PREX1: variants seen among roughly 807,000 people sequenced by gnomAD.
PREX1 encodes phosphatidylinositol 3,4,5-trisphosphate-dependent Rac exchanger 1 protein.
PREX1 carries 41 observed loss-of-function variants against 198.3 expected under a neutral mutation model. The observed-to-expected ratio is 0.21, with a 90% CI of 0.16 to 0.27. The LOEUF (loss-of-function observed/expected upper bound fraction) is 0.27, where lower values mean the gene tolerates loss of function less well. Among genes scored for constraint, PREX1 ranks in the 10% least tolerant of loss-of-function variants. PREX1 has a pLI of 1.00. For synonymous variants in PREX1, 843 were observed against 887.2 expected (o/e 0.95, Z 0.89); for missense variants, 1,620 against 2,200.7 (o/e 0.74, Z 5.28).
chr20:48,642,401 T>C lies in PREX1; in HGVS notation c.3684+6A>G. 1 of 1,612,580 alleles carries C rather than the reference T, an allele frequency of 6.2e-7. No homozygotes were observed. The highest frequency in any genetic ancestry group is 1.1e-5 in the South Asian group (1 of 90,952). The stretch of plus-strand genomic sequence containing the variant: ...AGTTGCGCCAGGAGTGGGGCAAAGG[T>C]CCTACCTGGTTAAAGAGGTGCTCCA... On this transcript the variant is annotated splice_donor_region_variant and intron_variant, in intron 28 of 39. Coordinates refer to ENST00000371941, the MANE Select transcript of PREX1 (RefSeq NM_020820.4).
chr20:48,647,639 T>C (rs565183326), intron 25 of PREX1, among the ~76,000 whole-genome samples: 6 of 151,926 alleles, frequency 3.9e-5, no homozygotes, highest in Non-Finnish European at 8.8e-5. Context: ...ATTAGCCCCA[T>C]TTGACAAACG....
At chr20:48,851,316 G>A in the PREX1 span, among the ~76,000 whole-genome samples, 1 of 152,148 alleles carries the variant, frequency 6.6e-6, no homozygotes, top group Non-Finnish European at 1.5e-5. Flanking sequence ...AGACCAGCCT[G>A]GCCAACATGG....
In PREX1 at chr20:48,666,253, G is replaced by A. The variant is rs182009508; in HGVS notation, c.1738+30C>T. On this transcript the variant is annotated intron_variant, in intron 15 of 39. Coordinates refer to ENST00000371941, the MANE Select transcript of PREX1 (RefSeq NM_020820.4). The surrounding 1 kb of genome is among the most constrained non-coding windows in gnomAD (Gnocchi z 4.3). ...CATCAGCTCCAGGGAGCAAGGTCCC[G>A]GGGGCTGGGCTGCAGGTGGGGGTGG... 1.4e-4 allele frequency: 213 copies of A among 1,537,856 alleles called. No individual in the cohort carries two copies. The highest frequency in any genetic ancestry group is 1.2e-3 in the African/African-American group (87 of 72,820).
In PREX1 at chr20:48,642,156, C is replaced by A; in HGVS notation, c.3775+12G>T. The stretch of plus-strand genomic sequence containing the variant: ...ATCGCAGGCTGTCACCTTGGACTGG[C>A]TATCCCCTCACCTTGTAAGCTGTGG... On this transcript the variant is annotated intron_variant, in intron 29 of 39. Coordinates refer to ENST00000371941, the MANE Select transcript of PREX1 (RefSeq NM_020820.4). The A allele has an allele frequency of 6.2e-7, 1 of 1,613,474 alleles. No homozygotes were observed. The highest frequency in any genetic ancestry group is 8.5e-7 in the Non-Finnish European group (1 of 1,179,374).
chr20:48,659,457 G>A (rs1294853513), intron 16 of PREX1, among the ~76,000 whole-genome samples: 1 of 152,012 alleles, frequency 6.6e-6, no homozygotes, highest in Non-Finnish European at 1.5e-5. Context: ...AAATCAGAGG[G>A]AACAGCAGTC....
intron 1 of PREX1, among the ~76,000 whole-genome samples, chr20:48,777,775 G>A (rs141759752): frequency 6.6e-6 from 1 of 152,222 alleles, no homozygotes; most frequent in Non-Finnish European, 1.5e-5. Flanking sequence ...AAGACCTGCG[G>A]AGAGGCTGTG....
chr20:48,687,419 A>G (rs1313595459), intron 10 of PREX1, among the ~76,000 whole-genome samples: 1 of 152,228 alleles, frequency 6.6e-6, no homozygotes, highest in African/African-American at 2.4e-5. Context: ...CCACCCCATC[A>G]GCAAATGCTG....
chr20:48,764,044 C>G (rs1016182873), intron 1 of PREX1, among the ~76,000 whole-genome samples: 2 of 152,180 alleles, frequency 1.3e-5, no homozygotes, highest in Non-Finnish European at 2.9e-5. Context: ...AGTCCAGGCT[C>G]TGACTTTCTG....
At chr20:48,885,293 G>A in the PREX1 span, among the ~76,000 whole-genome samples, 1 of 152,076 alleles carries the variant, frequency 6.6e-6, no homozygotes, top group Non-Finnish European at 1.5e-5. Flanking sequence ...TATTGCAGGC[G>A]CTTAATAAAT....
intron 1 of PREX1, among the ~76,000 whole-genome samples, chr20:48,798,458 G>C (rs1352858953): frequency 1.3e-5 from 2 of 152,160 alleles, no homozygotes; most frequent in Non-Finnish European, 2.9e-5. Context: ...GCCACACTGG[G>C]AGGAAATCCC....
At chr20:48,804,454 C>G (rs911572066) in intron 1 of PREX1, among the ~76,000 whole-genome samples, 12 of 152,156 alleles carry the variant, frequency 7.9e-5, no homozygotes, top group Non-Finnish European at 1.5e-4. Context: ...GCACAAATAC[C>G]TGGAGAATGT....
At chr20:48,810,188 T>C (rs1421175575) in intron 1 of PREX1, among the ~76,000 whole-genome samples, 2 of 152,176 alleles carry the variant, frequency 1.3e-5, no homozygotes, top group Non-Finnish European at 2.9e-5. Flanking sequence ...TACCTTCCAC[T>C]TTCCTTAAAA....
chr20:48,673,696 C>A (rs973638104), intron 14 of PREX1, among the ~76,000 whole-genome samples: 1 of 142,192 alleles, frequency 7.0e-6, no homozygotes, highest in Non-Finnish European at 1.6e-5. Context: ...CTAACCCCCC[C>A]ACCTCTGTTT....
intron 18 of PREX1, chr20:48,656,338 T>C: frequency 5.7e-6 from 2 of 350,272 alleles, no homozygotes; most frequent in Non-Finnish European, 1.2e-5. Flanking sequence ...CCTTTGCCCC[T>C]GACAATCTGA....
chr20:48,647,341 T>G (rs938216136), intron 25 of PREX1, among the ~76,000 whole-genome samples: 7 of 151,588 alleles, frequency 4.6e-5, no homozygotes, highest in Non-Finnish European at 8.8e-5. Context: ...GCCAACATGG[T>G]GAAACCCCAT....
chr20:48,759,624 C>G (rs1227040332), intron 1 of PREX1, among the ~76,000 whole-genome samples: 2 of 151,604 alleles, frequency 1.3e-5, no homozygotes, highest in Non-Finnish European at 2.9e-5. Flanking sequence ...GGCTCAAATC[C>G]CAGCTCTGCT....
chr20:48,783,890 C>T (rs1390862588), intron 1 of PREX1, among the ~76,000 whole-genome samples: 1 of 152,164 alleles, frequency 6.6e-6, no homozygotes, highest in Non-Finnish European at 1.5e-5. Flanking sequence ...AAACAGCTCA[C>T]CTGCTAATGT....
At chr20:48,882,835 A>G in the PREX1 span, among the ~76,000 whole-genome samples, 3 of 151,788 alleles carry the variant, frequency 2.0e-5, no homozygotes, top group South Asian at 6.2e-4. Context: ...GTGATAATAA[A>G]TTTAATCATC....
rs2089268078 is a variant in PREX1 at position 48,625,873 on chromosome 20, G to A, written c.*12C>T. ...TCCAGAGGCCGCGGCCCAGCGTGGG[G>A]CATTTGGGTGTTCAGAGGTCCCCAT... On this transcript the variant is annotated 3_prime_UTR_variant, in exon 40 of 40. Coordinates refer to ENST00000371941, the MANE Select transcript of PREX1 (RefSeq NM_020820.4). The A allele has an allele frequency of 1.3e-6, 2 of 1,562,090 alleles. No homozygotes were observed. Among genetic ancestry groups the A allele is most frequent in the Non-Finnish European group, 1.7e-6 (2 of 1,154,114 alleles).
Sources: allele counts gnomAD v4.1 joint callset (sites outside exome capture counted in the v4.1 genomes callset), GRCh38; gene constraint gnomAD v4.1.1; non-coding constraint Gnocchi (gnomAD v3.1); transcripts MANE v1.5; gene names NCBI Gene and HGNC (gene_info 2026-07-23, HGNC 2026-07-21).